CTBS: variants seen among roughly 807,000 people sequenced by gnomAD.
The protein encoded by CTBS is chitobiase.
Under a neutral mutation model 44.3 loss-of-function variants are expected in CTBS, and 35 were observed. That is an observed-to-expected ratio of 0.79 (90% CI 0.60 to 1.05). CTBS has a LOEUF of 1.05. CTBS is among the 50% of genes least tolerant of loss of function. The probability of loss-of-function intolerance (pLI) is 0.00; values close to 1 mark genes in which losing one functional copy is unlikely to be tolerated. For missense variants in CTBS, 458 were observed against 475.3 expected, an observed-to-expected ratio of 0.96 and a Z score of 0.34; for synonymous variants, 143 against 168.0, an observed-to-expected ratio of 0.85 and a Z score of 1.15.
chr1:84,567,624 A>C (rs189201722), intron 3 of CTBS, among the ~76,000 whole-genome samples: 1 of 152,320 alleles, frequency 6.6e-6, no homozygotes, highest in Admixed American at 6.5e-5. Flanking sequence ...TTCTGTGACC[A>C]CAATTCTGTA....
At chr1:84,569,092 T>C (rs1326677427) in intron 3 of CTBS, among the ~76,000 whole-genome samples, 3 of 152,236 alleles carry the variant, frequency 2.0e-5, no homozygotes, top group Non-Finnish European at 2.9e-5. Context: ...ATAATACTCA[T>C]AATGCTCTAT....
intron 4 of CTBS, among the ~76,000 whole-genome samples, chr1:84,565,305 A>G (rs1684670222): frequency 6.6e-6 from 1 of 152,236 alleles, no homozygotes; most frequent in African/African-American, 2.4e-5. Context: ...TGCAAAGCCT[A>G]CATCAAATGA....
At chr1:84,563,128 T>C (rs1030920026) in intron 6 of CTBS, 129 bp downstream of exon 6, 4 of 531,470 alleles carry the variant, frequency 7.5e-6, no homozygotes, top group East Asian at 3.5e-5. Context: ...AGTTTACTCA[T>C]GTAAATAGCA....
At chr1:84,560,121 GAAA>G (rs1684563079) in intron 6 of CTBS, among the ~76,000 whole-genome samples, 2 of 143,650 alleles carry the variant, frequency 1.4e-5, no homozygotes, top group African/African-American at 5.2e-5. Flanking sequence ...AAGAAAGAAA[GAAA>G]GAAAGAAAGG....
Position 84,551,889 on chromosome 1 carries a change from C to A in CTBS, c.*3110G>T, listed in dbSNP as rs1160338397. On this transcript the variant is annotated 3_prime_UTR_variant, in exon 7 of 7. Transcript: ENST00000370630. ...CCCCAGAGGCTTGGATTATGACTCC[C>A]CTCATGCTGTTTTCTTCTGGAAAGC... is the stretch of plus-strand genomic sequence containing the variant. 1 of 152,072 alleles carries A rather than the reference C, an allele frequency of 6.6e-6. No individual in the cohort carries two copies. The highest frequency in any genetic ancestry group is 1.5e-5 in the Non-Finnish European group (1 of 68,006). 9.4% of individuals were successfully genotyped at this position (152,072 alleles called of 1,614,324 possible). A position where few individuals can be genotyped will look rare whatever the true frequency, so the allele number is the denominator to read the frequency against.
rs763056916 is a variant in CTBS at position 84,554,992 on chromosome 1, A to G, written c.*7T>C. 1.2e-6 allele frequency: 2 copies of G among 1,611,824 alleles called. No homozygotes were observed. The highest frequency in any genetic ancestry group is 2.7e-5 in the African/African-American group (2 of 74,868). On this transcript the variant is annotated 3_prime_UTR_variant, in exon 7 of 7. Coordinates refer to ENST00000370630, the MANE Select transcript of CTBS (RefSeq NM_004388.3). ...TTTCTAACTCTTAATGGTTTGACAA[A>G]AGATGTTCATCTCTGTAACAGCTTT... is the stretch of plus-strand genomic sequence containing the variant.
intron 6 of CTBS, among the ~76,000 whole-genome samples, chr1:84,560,490 T>A (rs1684572878): frequency 6.6e-6 from 1 of 152,192 alleles, no homozygotes; most frequent in Non-Finnish European, 1.5e-5. Flanking sequence ...AAATGGACAG[T>A]TTTTCCTGTA....
chr1:84,574,366 C>G lies in CTBS; in HGVS notation c.50G>C (p.Ser17Thr). 1.3e-6 allele frequency: 2 copies of G among 1,567,638 alleles called. No individual in the cohort carries two copies. The highest frequency in any genetic ancestry group is 1.7e-6 in the Non-Finnish European group (2 of 1,157,036). ...CAGCAGCGCTAGACCCGGGACGCCG[C>G]TCGGCGGGCTAGAGACGAGGCGCCA... ...RRWRLVSSPP[S>T]GVPGLALLAL... The change falls in exon 1 of 7, where the codon AGC (serine) becomes ACC (threonine). Residue 17 changes from serine to threonine, a missense_variant. By Grantham distance (58) the Ser-to-Thr change is moderately conservative. Transcript: ENST00000370630.
rs1418873133 is a variant in CTBS at position 84,557,896 on chromosome 1, A to AT, written c.958-2698dup. On this transcript the variant is annotated intron_variant, in intron 6 of 6. Coordinates refer to ENST00000370630, the MANE Select transcript of CTBS (RefSeq NM_004388.3). ...AGAGGAAGGAAACAGTTATAACTAG[A>AT]TTTTTTTCTAAAGTGGCATTAAATG... 2.0e-5 allele frequency among the ~76,000 whole-genome samples: 3 copies of AT among 151,726 alleles called. No homozygotes were observed. The East Asian group carries it at 5.8e-4, about 29-fold the overall frequency.
chr1:84,560,313 T>C (rs1393767903), intron 6 of CTBS, among the ~76,000 whole-genome samples: 8 of 151,832 alleles, frequency 5.3e-5, no homozygotes, highest in Non-Finnish European at 1.5e-5. Flanking sequence ...TCCAGAGAGG[T>C]CCTACCCCAT....
At chr1:84,556,897 C>A (rs1399926114) in intron 6 of CTBS, among the ~76,000 whole-genome samples, 1 of 152,066 alleles carries the variant, frequency 6.6e-6, no homozygotes, top group Non-Finnish European at 1.5e-5. Flanking sequence ...AGTTGTGATT[C>A]ATTATTAAAA....
intron 6 of CTBS, among the ~76,000 whole-genome samples, chr1:84,561,964 G>T (rs987638890): frequency 6.6e-6 from 1 of 152,088 alleles, no homozygotes; most frequent in Non-Finnish European, 1.5e-5. Flanking sequence ...TATTGTGGTG[G>T]TCTAGAACTG....
intron 1 of CTBS, chr1:84,574,038 T>G: frequency 7.0e-7 from 1 of 1,422,508 alleles, no homozygotes. Context: ...TTACAGGCTG[T>G]GAGGCCTGAG....
chr1:84,572,206 A>G (rs1176740453), intron 1 of CTBS, among the ~76,000 whole-genome samples: 2 of 152,116 alleles, frequency 1.3e-5, no homozygotes, highest in East Asian at 3.8e-4. Context: ...AAGTTAAACC[A>G]GGCATTTCTT....
chr1:84,562,654 C>A (rs1684616932), intron 6 of CTBS, among the ~76,000 whole-genome samples: 1 of 151,968 alleles, frequency 6.6e-6, no homozygotes, highest in Non-Finnish European at 1.5e-5. Flanking sequence ...CTTTTCTTTG[C>A]CATTTTGGTA....
intron 6 of CTBS, among the ~76,000 whole-genome samples, chr1:84,560,017 G>A (rs1009373946): frequency 2.7e-5 from 4 of 149,694 alleles, no homozygotes. Context: ...CCAGGAGGCA[G>A]AGGGTGCAGT....
intron 6 of CTBS, among the ~76,000 whole-genome samples, chr1:84,560,099 AAGAAAGAAAGAAAG>A (rs1190360045): frequency 7.1e-4 from 16 of 22,408 alleles, no homozygotes; most frequent in African/African-American, 1.4e-3. Flanking sequence ...AAAAAAAAAA[AAGAAAGAAAGAAAG>A]AAAGAAAGAA....
chr1:84,570,998 C>T (rs1647286566), intron 1 of CTBS, among the ~76,000 whole-genome samples: 1 of 151,796 alleles, frequency 6.6e-6, no homozygotes, highest in South Asian at 2.1e-4. Flanking sequence ...GTATGGCCGA[C>T]GTCTAGAATT....
chr1:84,574,333 AGCAG>A lies in CTBS; in HGVS notation c.79_82del (p.Leu27TrpfsTer75). The A allele has an allele frequency of 3.8e-6, 6 of 1,569,232 alleles. No homozygotes were observed. Among genetic ancestry groups the A allele is most frequent in the Admixed American group, 3.7e-5 (2 of 54,006 alleles). On this transcript the variant is annotated frameshift_variant, in exon 1 of 7. Coordinates refer to ENST00000370630, the MANE Select transcript of CTBS (RefSeq NM_004388.3). LOFTEE classifies it high-confidence loss of function. ...CGCGAGCCGCAGCGCCAGCAGCGCC[AGCAG>A]CGCCAGCAGCGCTAGACCCGGGACG...
Sources: allele counts gnomAD v4.1 joint callset (sites outside exome capture counted in the v4.1 genomes callset), GRCh38; gene constraint gnomAD v4.1.1; transcripts MANE v1.5; gene names NCBI Gene and HGNC (gene_info 2026-07-23, HGNC 2026-07-21).